Variants in PEDS1 observed in about 807,000 individuals in gnomAD.
PEDS1 encodes the protein CarF homolog.
A neutral mutation model predicts 35.2 loss-of-function variants in PEDS1; 14 were observed. That is an observed-to-expected ratio of 0.40 (90% CI 0.26 to 0.62). PEDS1 has a LOEUF of 0.62. Among genes scored for constraint, PEDS1 ranks in the 20% least tolerant of loss-of-function variants. The pLI, the probability that PEDS1 is intolerant of heterozygous loss-of-function variation, is 0.44. For synonymous variants in PEDS1, 152 were observed against 152.0 expected, an observed-to-expected ratio of 1.00 and a Z score of 0.00; for missense variants, 260 against 367.8, an observed-to-expected ratio of 0.71 and a Z score of 2.40.
rs1460450817 is a variant in PEDS1 at position 50,153,645 on chromosome 20, C to A, written c.-8G>T. On this transcript the variant is annotated 5_prime_UTR_variant, in exon 1 of 6. Coordinates refer to ENST00000371652, the MANE Select transcript of PEDS1 (RefSeq NM_199129.4). The stretch of plus-strand genomic sequence containing the variant: ...GTTCTCGGCGCCCGCCATGGCCACT[C>A]GCCCGATCGGCCCGGTGCGCTCTGC... 8.0e-7 allele frequency: 1 copy of A among 1,246,020 alleles called. No homozygotes were observed. The highest frequency in any genetic ancestry group is 3.1e-5 in the South Asian group (1 of 31,896). 77.2% of individuals were successfully genotyped at this position (1,246,020 alleles called of 1,614,324 possible). A position where few individuals can be genotyped will look rare whatever the true frequency, so the allele number is the denominator to read the frequency against.
chr20:50,135,323 G>A (rs1033361803), intron 2 of PEDS1, among the ~76,000 whole-genome samples: 1 of 151,900 alleles, frequency 6.6e-6, no homozygotes, highest in Non-Finnish European at 1.5e-5. Context: ...CTGTTTACAA[G>A]TGTTTTTGGT....
chr20:50,148,735 A>G (rs867287997), intron 1 of PEDS1, among the ~76,000 whole-genome samples: 3 of 152,062 alleles, frequency 2.0e-5, no homozygotes, highest in Non-Finnish European at 4.4e-5. Flanking sequence ...GGGGGACAAG[A>G]GGTAGAGAGA....
chr20:50,144,541 G>A (rs982445977), intron 1 of PEDS1, among the ~76,000 whole-genome samples: 1 of 152,224 alleles, frequency 6.6e-6, no homozygotes, highest in Non-Finnish European at 1.5e-5. Context: ...GGCTTTGGGT[G>A]TGCAATCTGT....
intron 1 of PEDS1, among the ~76,000 whole-genome samples, chr20:50,144,431 T>C (rs1022216013): frequency 5.3e-5 from 8 of 152,144 alleles, no homozygotes; most frequent in Non-Finnish European, 7.4e-5. Flanking sequence ...GAGTCAGGAA[T>C]TCATGGACAA....
intron 2 of PEDS1, among the ~76,000 whole-genome samples, chr20:50,140,054 G>A (rs1209598569): frequency 6.6e-6 from 1 of 152,124 alleles, no homozygotes; most frequent in Non-Finnish European, 1.5e-5. Context: ...CTGCTCTGCC[G>A]ATGACCTCTC....
intron 2 of PEDS1, among the ~76,000 whole-genome samples, chr20:50,134,304 G>A (rs1025173356): frequency 6.6e-6 from 1 of 152,210 alleles, no homozygotes; most frequent in South Asian, 2.1e-4. Context: ...CCAGCACTTT[G>A]GGATGCCAAG....
chr20:50,140,718 A>C (rs2081284075), intron 2 of PEDS1, among the ~76,000 whole-genome samples: 1 of 151,906 alleles, frequency 6.6e-6, no homozygotes, highest in Admixed American at 6.6e-5. Flanking sequence ...GTGTTTATTA[A>C]CTCGACATCT....
intron 1 of PEDS1, among the ~76,000 whole-genome samples, chr20:50,146,352 T>G (rs912429909): frequency 6.6e-6 from 1 of 151,992 alleles, no homozygotes; most frequent in Non-Finnish European, 1.5e-5. Flanking sequence ...TTGTCTACGT[T>G]TGTCTTTCCC....
chr20:50,143,987 G>A (rs913842214), intron 1 of PEDS1, among the ~76,000 whole-genome samples: 3 of 152,036 alleles, frequency 2.0e-5, no homozygotes, highest in African/African-American at 2.4e-5. Flanking sequence ...GTGAGCCACC[G>A]CACCTGGCCA....
chr20:50,124,986 G>C lies in PEDS1; in HGVS notation c.*72C>G. On this transcript the variant is annotated 3_prime_UTR_variant, in exon 6 of 6. Transcript: ENST00000371652. ...CATCTGGAGGGGCCAGCTCAAAGAG[G>C]CTGGAATTTGGCAGATGGCTTCGGT... The C allele has an allele frequency of 1.9e-6, 3 of 1,592,848 alleles. No individual in the cohort carries two copies. Among genetic ancestry groups the C allele is most frequent in the Non-Finnish European group, 2.6e-6 (3 of 1,166,012 alleles).
At chr20:50,152,497 G>A (rs144184460) in intron 1 of PEDS1, among the ~76,000 whole-genome samples, 1 of 152,332 alleles carries the variant, frequency 6.6e-6, no homozygotes, top group Non-Finnish European at 1.5e-5. Flanking sequence ...TGGGGATATA[G>A]GGCCCTCCTG....
Position 50,129,481 on chromosome 20 carries a change from G to T in PEDS1, c.478+65C>A, listed in dbSNP as rs909987963. ...GAGCCAAACACATAAGCCCCAGAAG[G>T]CTCCTGGGGGTCGGCCTCTGCCCCC... On this transcript the variant is annotated intron_variant, in intron 4 of 5. Coordinates refer to ENST00000371652, the MANE Select transcript of PEDS1 (RefSeq NM_199129.4). The surrounding 1 kb of genome is among the most constrained non-coding windows in gnomAD (Gnocchi z 4.2). 2.5e-6 allele frequency: 4 copies of T among 1,600,830 alleles called. No homozygotes were observed. In the South Asian group the frequency reaches 4.4e-5, roughly 18 times the overall value.
chr20:50,153,501 G>A lies in PEDS1; in HGVS notation c.121+16C>T, dbSNP rs1343633420. ...GCTGGTGACCGCAGGCCTGGAGGGG[G>A]GCCCAGAGGTCTTACCTGGCGAGTA... On this transcript the variant is annotated intron_variant, in intron 1 of 5. Transcript: ENST00000371652. The A allele has an allele frequency of 9.6e-6, 13 of 1,355,162 alleles. No homozygotes were observed. The East Asian group carries it at 1.9e-4, about 19-fold the overall frequency. 83.9% of individuals were successfully genotyped at this position (1,355,162 alleles called of 1,614,324 possible). A position where few individuals can be genotyped will look rare whatever the true frequency, so the allele number is the denominator to read the frequency against.
Position 50,119,872 on chromosome 20 carries a change from T to C in PEDS1, c.*5186A>G, listed in dbSNP as rs2081036471. 6.6e-6 allele frequency: 1 copy of C among 152,158 alleles called. No homozygotes were observed. The highest frequency in any genetic ancestry group is 2.4e-5 in the African/African-American group (1 of 41,420). The allele number at this position is 152,158 out of a possible 1,614,324, so 9.4% of individuals were successfully genotyped here. A position where few individuals can be genotyped will look rare whatever the true frequency, so the allele number is the denominator to read the frequency against. On this transcript the variant is annotated 3_prime_UTR_variant, in exon 6 of 6. Coordinates refer to ENST00000371652, the MANE Select transcript of PEDS1 (RefSeq NM_199129.4). ...GCAGTGCAAAAGCAGCCTCGGACAA[T>C]ATGTAAATGAGGGGCATGGCTGTGT...
At position 50,128,875 on chromosome 20, in the gene PEDS1, G is replaced by A. The variant is rs1047093117; in HGVS notation, c.478+671C>T. ...CCCTCCATCCCTGGAGAAGCTGGGA[G>A]CTGTCAGCAGCCACCACTCACAGAA... On this transcript the variant is annotated intron_variant, in intron 4 of 5. Transcript: ENST00000371652. This position sits in a 1 kb window ranked among gnomAD's most constrained non-coding sequence, Gnocchi z 5.2. Among the ~76,000 whole-genome samples, 1 of 152,208 alleles carries A rather than the reference G, an allele frequency of 6.6e-6. No individual in the cohort carries two copies. Among genetic ancestry groups the A allele is most frequent in the Admixed American group, 6.5e-5 (1 of 15,280 alleles).
At chr20:50,139,151 G>A (rs2081266646) in intron 2 of PEDS1, among the ~76,000 whole-genome samples, 1 of 152,114 alleles carries the variant, frequency 6.6e-6, no homozygotes, top group Non-Finnish European at 1.5e-5. Context: ...CCGAGCCTGG[G>A]ACTTCTCTGA....
At chr20:50,153,018 T>C (rs1010650984) in intron 1 of PEDS1, among the ~76,000 whole-genome samples, 1 of 152,020 alleles carries the variant, frequency 6.6e-6, no homozygotes, top group Non-Finnish European at 1.5e-5. Context: ...AGGTCATTGT[T>C]TGCAGCCCAG....
rs1287882074 is a variant in PEDS1 at position 50,124,950 on chromosome 20, G to A, written c.*108C>T. 1 of 1,507,712 alleles carries A rather than the reference G, an allele frequency of 6.6e-7. No homozygotes were observed. Among genetic ancestry groups the A allele is most frequent in the African/African-American group, 1.4e-5 (1 of 72,476 alleles). The allele number at this position is 1,507,712 out of a possible 1,614,324, so 93.4% of individuals were successfully genotyped here. On this transcript the variant is annotated 3_prime_UTR_variant, in exon 6 of 6. Transcript: ENST00000371652. ...TGGGGTACCTGGGCCCAGCCCAGGA[G>A]ATGTCCTCTCCATCTGGAGGGGCCA...
chr20:50,126,580 A>C (rs1226686330), intron 5 of PEDS1, among the ~76,000 whole-genome samples: 1 of 152,174 alleles, frequency 6.6e-6, no homozygotes, highest in Non-Finnish European at 1.5e-5. Flanking sequence ...TAAGAAGGTG[A>C]TATATGAAGG....
Sources: gnomAD v4.1 joint callset for allele counts (sites outside exome capture counted in the v4.1 genomes callset) on GRCh38, gnomAD v4.1.1 for gene constraint, Gnocchi (gnomAD v3.1) non-coding constraint, MANE v1.5 for transcripts, NCBI Gene and HGNC (gene_info 2026-07-23, HGNC 2026-07-21) for gene names.